The following PPP1R16B variants were observed in gnomAD, a reference collection of about 807,000 sequenced individuals.
PPP1R16B encodes protein phosphatase 1 regulatory subunit 16B, also known as protein phosphatase 1 regulatory inhibitor subunit 16B.
A neutral mutation model predicts 61.7 loss-of-function variants in PPP1R16B; 14 were observed. The observed-to-expected ratio is 0.23, with a 90% confidence interval of 0.15 to 0.35. The LOEUF is 0.35. PPP1R16B is among the 10% of genes least tolerant of loss of function. The pLI is 1.00. For synonymous variants in PPP1R16B, 266 were observed against 305.3 expected (o/e 0.87, Z 1.34); for missense variants, 547 against 752.5 (o/e 0.73, Z 3.19).
rs1440678278 is a variant in PPP1R16B, at chr20:38,816,890, C to T, written c.-102+11098C>T. Among the ~76,000 whole-genome samples the T allele has an allele frequency of 2.0e-5, 3 of 152,230 alleles. No individual in the cohort carries two copies. The East Asian group carries it at 5.8e-4, about 29-fold the overall frequency. Reference sequence around the variant, plus strand: ...CCTGGTTCTGGTCCCAGGGCCCACCCTCCTCCTCCCCCATTAGCCAAGTCT... The same window carrying T: ...CCTGGTTCTGGTCCCAGGGCCCACCTTCCTCCTCCCCCATTAGCCAAGTCT... On this transcript the variant is annotated intron_variant, in intron 1 of 10. Transcript: ENST00000299824.
chr20:38,896,869 G>C (rs538480188), intron 4 of PPP1R16B, among the ~76,000 whole-genome samples: 4 of 152,168 alleles, frequency 2.6e-5, no homozygotes, highest in Non-Finnish European at 5.9e-5. Context: ...CAGAAAGGCC[G>C]GGCACGGTAG....
Position 38,918,269 on chromosome 20 carries a change from A to T in PPP1R16B, c.1307A>T (p.Gln436Leu). 1 of 1,614,244 alleles carries T rather than the reference A, an allele frequency of 6.2e-7. No individual in the cohort carries two copies. The highest frequency in any genetic ancestry group is 8.5e-7 in the Non-Finnish European group (1 of 1,180,046). The change falls in exon 11 of 11, where the codon CAG (glutamine) becomes CTG (leucine). Residue 436 changes from glutamine to leucine, a missense_variant. Coordinates refer to ENST00000299824, the MANE Select transcript of PPP1R16B (RefSeq NM_015568.4). This position sits in a 1 kb window ranked among gnomAD's most constrained non-coding sequence, Gnocchi z 5.3. ...NGLRAPVSAY[Q>L]YALANGDVWK... ...CTCCGGGCTCCGGTCAGTGCCTACC[A>T]GTATGCGCTGGCCAACGGGGATGTC...
intron 1 of PPP1R16B, among the ~76,000 whole-genome samples, chr20:38,827,196 A>G (rs113814601): frequency 1.3e-5 from 2 of 152,142 alleles, no homozygotes; most frequent in African/African-American, 4.8e-5. Flanking sequence ...ACCATGCCTA[A>G]GCCTCACTCT....
At chr20:38,853,050 GCATGACC>G (rs2084980259) in intron 2 of PPP1R16B, among the ~76,000 whole-genome samples, 2 of 152,066 alleles carry the variant, frequency 1.3e-5, no homozygotes, top group South Asian at 4.1e-4. Context: ...GGAATTACAG[GCATGACC>G]CATTGCGCCC....
chr20:38,868,920 T>C (rs1195054539), intron 2 of PPP1R16B, among the ~76,000 whole-genome samples: 1 of 152,160 alleles, frequency 6.6e-6, no homozygotes, highest in South Asian at 2.1e-4. Context: ...ATATCACCTG[T>C]TTTTATTTTT....
In PPP1R16B at chr20:38,918,359, C is replaced by T. The variant is rs567999418; in HGVS notation, c.1397C>T (p.Thr466Ile). ...GGCAACCCTGGCGTGGCCGACGCCA[C>T]CCCGCCCTGGAGCAGCTACAAGGAA... ...AYGNPGVADA[T>I]PPWSSYKEQS... Residue 466 changes from threonine to isoleucine, a missense_variant, in exon 11 of 11, where the codon ACC (threonine) becomes ATC (isoleucine). By Grantham distance (89) the Thr-to-Ile change is moderately conservative. Transcript: ENST00000299824. The surrounding 1 kb of genome is among the most constrained non-coding windows in gnomAD (Gnocchi z 5.3). The T allele has an allele frequency of 3.7e-6, 6 of 1,614,124 alleles. No individual in the cohort carries two copies. The highest frequency in any genetic ancestry group is 3.3e-5 in the Admixed American group (2 of 60,024).
At chr20:38,908,811 G>A (rs952247171) in intron 10 of PPP1R16B, among the ~76,000 whole-genome samples, 1 of 152,188 alleles carries the variant, frequency 6.6e-6, no homozygotes, top group African/African-American at 2.4e-5. Context: ...AAGGCCAGAA[G>A]TCTAAAATCC....
At chr20:38,854,797 A>G (rs1568663049) in intron 2 of PPP1R16B, among the ~76,000 whole-genome samples, 1 of 152,188 alleles carries the variant, frequency 6.6e-6, no homozygotes, top group South Asian at 2.1e-4. Context: ...GGCTGTTACT[A>G]TCATCTGCCA....
intron 5 of PPP1R16B, among the ~76,000 whole-genome samples, chr20:38,901,351 G>A (rs1225266621): frequency 6.6e-6 from 1 of 152,188 alleles, no homozygotes; most frequent in African/African-American, 2.4e-5. Flanking sequence ...TTCATCTCCT[G>A]CAGAGGTTCT....
intron 1 of PPP1R16B, among the ~76,000 whole-genome samples, chr20:38,817,701 C>G (rs981398450): frequency 3.9e-5 from 6 of 151,966 alleles, no homozygotes; most frequent in African/African-American, 4.8e-5. Flanking sequence ...TCTCAAAGAA[C>G]AAGAGGAGTT....
intron 2 of PPP1R16B, among the ~76,000 whole-genome samples, chr20:38,848,438 C>A (rs2084948474): frequency 6.6e-6 from 1 of 152,218 alleles, no homozygotes; most frequent in Non-Finnish European, 1.5e-5. Context: ...TCCAACCTGT[C>A]TATTCTGTTC....
chr20:38,855,937 T>TAGAG (rs1244542225), intron 2 of PPP1R16B, among the ~76,000 whole-genome samples: 10 of 37,766 alleles, frequency 2.6e-4, no homozygotes, highest in African/African-American at 3.1e-4. Context: ...TATATATATA[T>TAGAG]ATATATAGAG....
At position 38,918,255 on chromosome 20, in the gene PPP1R16B, G is replaced by T; in HGVS notation, c.1293G>T (p.Pro431=). 6.2e-7 allele frequency: 1 copy of T among 1,614,224 alleles called. No individual in the cohort carries two copies. Among genetic ancestry groups the T allele is most frequent in the Non-Finnish European group, 8.5e-7 (1 of 1,180,038 alleles). ...CTGTTGAGAATGGCCTCCGGGCTCC[G>T]GTCAGTGCCTACCAGTATGCGCTGG... ...DMPVENGLRA[P]VSAYQYALAN... Residue 431 remains proline (P), a synonymous_variant, in exon 11 of 11, where the codon CCG becomes CCT. Coordinates refer to ENST00000299824, the MANE Select transcript of PPP1R16B (RefSeq NM_015568.4). This position sits in a 1 kb window ranked among gnomAD's most constrained non-coding sequence, Gnocchi z 5.3.
chr20:38,811,743 T>A lies in PPP1R16B; in HGVS notation c.-102+5951T>A, dbSNP rs78771342. Reference sequence around the variant, plus strand: ...GTTGTTACAACTTTTCGGGGGATAGTGGGGGAGAGGAGCTACTGACATCCA... The same window carrying A: ...GTTGTTACAACTTTTCGGGGGATAGAGGGGGAGAGGAGCTACTGACATCCA... On this transcript the variant is annotated intron_variant, in intron 1 of 10. Coordinates refer to ENST00000299824, the MANE Select transcript of PPP1R16B (RefSeq NM_015568.4). Among the ~76,000 whole-genome samples, 1,123 of 152,186 alleles carry A rather than the reference T, an allele frequency of 7.4e-3. 12 individuals are homozygous for A. The highest frequency in any genetic ancestry group is 0.026 in the African/African-American group (1,070 of 41,524).
chr20:38,833,601 T>C (rs1257978079), intron 1 of PPP1R16B, among the ~76,000 whole-genome samples: 1 of 152,230 alleles, frequency 6.6e-6, no homozygotes, highest in Non-Finnish European at 1.5e-5. Context: ...GTTTAATTAG[T>C]TGAAAGTGCA....
intron 5 of PPP1R16B, among the ~76,000 whole-genome samples, chr20:38,901,390 C>T (rs2085392924): frequency 6.6e-6 from 1 of 152,210 alleles, no homozygotes. Flanking sequence ...TCTGGTGACT[C>T]TATGGACCCC....
intron 2 of PPP1R16B, among the ~76,000 whole-genome samples, chr20:38,861,682 T>G: frequency 6.7e-6 from 1 of 148,896 alleles, no homozygotes; most frequent in South Asian, 2.1e-4. Context: ...TCTTTTTTTT[T>G]TTTTTTTTTT....
At chr20:38,818,234 G>C (rs181041642) in intron 1 of PPP1R16B, among the ~76,000 whole-genome samples, 54 of 152,308 alleles carry the variant, frequency 3.5e-4, no homozygotes, top group African/African-American at 1.3e-3. Flanking sequence ...AATGATGCCT[G>C]TTTCTAAGAC....
chr20:38,845,364 T>C (rs1469340538), intron 2 of PPP1R16B, among the ~76,000 whole-genome samples: 1 of 152,152 alleles, frequency 6.6e-6, no homozygotes, highest in East Asian at 1.9e-4. Context: ...GGAGGATGGC[T>C]TGAGCTCAGG....
Sources: gnomAD v4.1 joint callset for allele counts (sites outside exome capture counted in the v4.1 genomes callset) on GRCh38, gnomAD v4.1.1 for gene constraint, Gnocchi (gnomAD v3.1) non-coding constraint, MANE v1.5 for transcripts, NCBI Gene and HGNC (gene_info 2026-07-23, HGNC 2026-07-21) for gene names.